Variants in MMP16 observed in about 807,000 individuals in gnomAD.
MMP16 encodes the protein matrix metallopeptidase 16, also known as matrix metalloproteinase-16.
A neutral mutation model predicts 67.8 loss-of-function variants in MMP16; 12 were observed. The observed-to-expected ratio is 0.18, with a 90% CI of 0.11 to 0.29. MMP16 has a LOEUF of 0.29. Ranked by LOEUF, MMP16 falls within the 10% of genes least tolerant of loss-of-function variation. MMP16 has a pLI of 1.00. For synonymous variants in MMP16, 249 were observed against 255.9 expected, an observed-to-expected ratio of 0.97 and a Z score of 0.26; for missense variants, 475 against 765.7, an observed-to-expected ratio of 0.62 and a Z score of 4.48.
rs138968036 is a variant in MMP16, at chr8:88,273,972, CCAT to C, written c.132+53100_132+53102del. On this transcript the variant is annotated intron_variant, in intron 1 of 9. Coordinates refer to ENST00000286614, the MANE Select transcript of MMP16 (RefSeq NM_005941.5). ...GTTATTTTTATCATTTTCTTCATCA[CCAT>C]CATCATCATCATCATCATCAACATT... is the stretch of plus-strand genomic sequence containing the variant. 3.8e-3 allele frequency among the ~76,000 whole-genome samples: 574 copies of C among 151,944 alleles called. 2 individuals carry two copies. The highest frequency in any genetic ancestry group is 0.012 in the African/African-American group (517 of 41,468).
chr8:88,224,602 G>T (rs1446001468), intron 1 of MMP16, among the ~76,000 whole-genome samples: 1 of 151,886 alleles, frequency 6.6e-6, no homozygotes, highest in African/African-American at 2.4e-5. Context: ...AAATGACCAT[G>T]CAGACTATTG....
chr8:88,196,754 T>C (rs1028957233), intron 2 of MMP16, among the ~76,000 whole-genome samples: 5 of 152,050 alleles, frequency 3.3e-5, no homozygotes, highest in Non-Finnish European at 7.4e-5. Context: ...AGGGTGTAGA[T>C]ATTTCCATTT....
intron 1 of MMP16, among the ~76,000 whole-genome samples, chr8:88,222,888 T>C (rs1023619642): frequency 7.9e-5 from 12 of 152,138 alleles, no homozygotes; most frequent in Admixed American, 5.2e-4. Context: ...CAAAAGAAAC[T>C]ACCATCAGGG....
At position 88,117,894 on chromosome 8, in the gene MMP16, C is replaced by T. The variant is rs80265895; in HGVS notation, c.871+806G>A. Among the ~76,000 whole-genome samples, 1,183 of 152,088 alleles carry T rather than the reference C, an allele frequency of 7.8e-3. 17 individuals are homozygous for T. The highest frequency in any genetic ancestry group is 0.066 in the Middle Eastern group (19 of 290). The stretch of plus-strand genomic sequence containing the variant: ...TTGTATCATAAAAACAAAAGCTTCA[C>T]TTCATTAATTTAGTATAAAGCATAT... On this transcript the variant is annotated intron_variant, in intron 5 of 9. Transcript: ENST00000286614.
intron 4 of MMP16, among the ~76,000 whole-genome samples, chr8:88,125,174 C>G (rs941303082): frequency 6.9e-6 from 1 of 145,310 alleles, no homozygotes; most frequent in Non-Finnish European, 1.5e-5. Flanking sequence ...TTAATTAAGT[C>G]TGAAAGTCCT....
rs1160897429 is a variant in MMP16, at chr8:88,058,220, G to C, written c.1223-1942C>G. ...ATAATGAGTTGGAATCTTACTTAGA[G>C]TGTACTGGAGGCCATCAAGGAGATT... On this transcript the variant is annotated intron_variant, in intron 7 of 9. Coordinates refer to ENST00000286614, the MANE Select transcript of MMP16 (RefSeq NM_005941.5). This position sits in a 1 kb window ranked among gnomAD's most constrained non-coding sequence, Gnocchi z 4.2. Among the ~76,000 whole-genome samples, 1 of 152,158 alleles carries C rather than the reference G, an allele frequency of 6.6e-6. No homozygotes were observed. The highest frequency in any genetic ancestry group is 1.5e-5 in the Non-Finnish European group (1 of 68,014).
chr8:88,273,975 T>C (rs1253137695), intron 1 of MMP16, among the ~76,000 whole-genome samples: 1 of 150,718 alleles, frequency 6.6e-6, no homozygotes, highest in Non-Finnish European at 1.5e-5. Flanking sequence ...TTCATCACCA[T>C]CATCATCATC....
chr8:88,046,627 A>C (rs1262368173), intron 9 of MMP16, 42 bp downstream of exon 9: 8 of 1,322,234 alleles, frequency 6.1e-6, no homozygotes, highest in Non-Finnish European at 7.4e-6. Flanking sequence ...TGTGTTACTA[A>C]GATAGCAAAC....
At chr8:88,306,792 A>G (rs2130056385) in intron 1 of MMP16, among the ~76,000 whole-genome samples, 1 of 152,260 alleles carries the variant, frequency 6.6e-6, no homozygotes, top group Non-Finnish European at 1.5e-5. Context: ...AAATAATAAG[A>G]GCCATATATT....
rs1260226768 is a variant in MMP16, at chr8:88,036,661, T to C, written c.*4800A>G. ...AGGTACATGAAATACAGCCGAATGATTAGATCCTCTTATATGATTGACTTG... is the reference window on the plus strand; with the variant it reads ...AGGTACATGAAATACAGCCGAATGACTAGATCCTCTTATATGATTGACTTG... On this transcript the variant is annotated 3_prime_UTR_variant, in exon 10 of 10. Coordinates refer to ENST00000286614, the MANE Select transcript of MMP16 (RefSeq NM_005941.5). 2.6e-5 allele frequency: 4 copies of C among 151,808 alleles called. No homozygotes were observed. The highest frequency in any genetic ancestry group is 4.8e-5 in the African/African-American group (2 of 41,402). The allele number at this position is 151,808 out of a possible 1,614,324, so 9.4% of individuals were successfully genotyped here.
chr8:88,123,284 A>G (rs909175682), intron 4 of MMP16, among the ~76,000 whole-genome samples: 7 of 152,012 alleles, frequency 4.6e-5, no homozygotes, highest in African/African-American at 1.7e-4. Flanking sequence ...ACAAGGGATT[A>G]AAATATTGTC....
At chr8:88,084,117 C>G (rs1808796196) in intron 6 of MMP16, among the ~76,000 whole-genome samples, 1 of 151,868 alleles carries the variant, frequency 6.6e-6, no homozygotes, top group African/African-American at 2.4e-5. Flanking sequence ...TGTATATATG[C>G]TAATTTTAAT....
At chr8:88,273,334 A>T (rs765151778) in intron 1 of MMP16, among the ~76,000 whole-genome samples, 1 of 148,018 alleles carries the variant, frequency 6.8e-6, no homozygotes, top group Non-Finnish European at 1.5e-5. Flanking sequence ...CATGTGATCC[A>T]CCTGCTTCAG....
intron 1 of MMP16, among the ~76,000 whole-genome samples, chr8:88,260,521 A>G (rs1810371678): frequency 6.6e-6 from 1 of 152,234 alleles, no homozygotes; most frequent in South Asian, 2.1e-4. Flanking sequence ...TAGAGCCCTA[A>G]CTGAGCATTC....
At chr8:88,122,202 T>C (rs1308955834) in intron 4 of MMP16, among the ~76,000 whole-genome samples, 1 of 152,134 alleles carries the variant, frequency 6.6e-6, no homozygotes, top group Non-Finnish European at 1.5e-5. Context: ...CCTAGTGTTG[T>C]AGCTTTGCAA....
At chr8:88,068,417 A>C (rs1367722069) in intron 7 of MMP16, among the ~76,000 whole-genome samples, 1 of 151,936 alleles carries the variant, frequency 6.6e-6, no homozygotes, top group Non-Finnish European at 1.5e-5. Context: ...TGATATATCA[A>C]TTTTTCTTTT....
At chr8:88,083,135 T>A (rs1337416261) in intron 6 of MMP16, among the ~76,000 whole-genome samples, 1 of 152,056 alleles carries the variant, frequency 6.6e-6, no homozygotes, top group African/African-American at 2.4e-5. Flanking sequence ...AAAAGAGATA[T>A]AAGTATGTTA....
chr8:88,303,966 T>C (rs952944770), intron 1 of MMP16, among the ~76,000 whole-genome samples: 1 of 152,148 alleles, frequency 6.6e-6, no homozygotes. Context: ...CTGATGGAAG[T>C]AGGCTTCAGA....
intron 1 of MMP16, among the ~76,000 whole-genome samples, chr8:88,324,453 A>G (rs1233653089): frequency 6.6e-6 from 1 of 152,130 alleles, no homozygotes; most frequent in Non-Finnish European, 1.5e-5. Flanking sequence ...GGGGACCACA[A>G]ATTGTTAAGT....
Sources: allele counts gnomAD v4.1 joint callset (sites outside exome capture counted in the v4.1 genomes callset), GRCh38; gene constraint gnomAD v4.1.1; non-coding constraint Gnocchi (gnomAD v3.1); transcripts MANE v1.5; gene names NCBI Gene and HGNC (gene_info 2026-07-23, HGNC 2026-07-21).